The following ITFG1 variants were observed in gnomAD, a reference collection of about 807,000 sequenced individuals.
ITFG1 encodes the protein integrin alpha FG-GAP repeat containing 1, also known as T-cell immunomodulatory protein.
In ITFG1, 34 loss-of-function variants were observed where a neutral mutation model predicts 81.8. The ratio of observed to expected loss-of-function variants is 0.42; its 90% CI spans 0.32 to 0.55. The LOEUF (loss-of-function observed/expected upper bound fraction) is 0.55. ITFG1 is among the 20% of genes least tolerant of loss of function. ITFG1 has a pLI of 0.17. For missense variants in ITFG1, 672 were observed against 755.4 expected, an observed-to-expected ratio of 0.89 and a Z score of 1.29; for synonymous variants, 285 against 270.6, an observed-to-expected ratio of 1.05 and a Z score of -0.52.
chr16:47,204,928 A>G (rs3095629), intron 14 of ITFG1, among the ~76,000 whole-genome samples: 152,067 of 152,346 alleles, frequency 1, 75,894 homozygotes, highest in Middle Eastern at 1. Flanking sequence ...CTAAACTCAT[A>G]TGCTGAGCCA....
At chr16:47,308,097 G>A (rs1024093954) in intron 10 of ITFG1, among the ~76,000 whole-genome samples, 10 of 152,114 alleles carry the variant, frequency 6.6e-5, no homozygotes, top group South Asian at 6.2e-4. Flanking sequence ...GAATAGTGCC[G>A]CAATGAACAT....
intron 7 of ITFG1, among the ~76,000 whole-genome samples, chr16:47,371,828 A>G (rs1383320940): frequency 6.6e-6 from 1 of 152,168 alleles, no homozygotes; most frequent in Non-Finnish European, 1.5e-5. Context: ...TCACAGAAAG[A>G]ATTATCTGGC....
Position 47,286,232 on chromosome 16 carries a change from A to G in ITFG1, c.1070+25008T>C, listed in dbSNP as rs187501837. Among the ~76,000 whole-genome samples, 357 of 152,346 alleles carry G rather than the reference A, an allele frequency of 2.3e-3. 1 individual carries two copies. The highest frequency in any genetic ancestry group is 2.8e-3 in the Non-Finnish European group (192 of 68,020). ...AGGAAGCTCTGAAGTTGGGATGGCC[A>G]TTCCAAATTGTCCTCCATTATGGGT... On this transcript the variant is annotated intron_variant, in intron 10 of 17. Transcript: ENST00000320640.
At chr16:47,436,811 G>A (rs752172961) in intron 5 of ITFG1, among the ~76,000 whole-genome samples, 2 of 152,170 alleles carry the variant, frequency 1.3e-5, no homozygotes, top group Non-Finnish European at 2.9e-5. Context: ...AAGCCCCTGA[G>A]TTGTAAAAGG....
At chr16:47,210,058 A>G (rs1965545877) in intron 14 of ITFG1, among the ~76,000 whole-genome samples, 1 of 152,182 alleles carries the variant, frequency 6.6e-6, no homozygotes, top group African/African-American at 2.4e-5. Flanking sequence ...TCTCTGGGAT[A>G]AATGCCTGGG....
intron 12 of ITFG1, among the ~76,000 whole-genome samples, chr16:47,248,293 T>C (rs1191172679): frequency 6.6e-6 from 1 of 152,196 alleles, no homozygotes; most frequent in African/African-American, 2.4e-5. Context: ...TCAGTGCTCA[T>C]GGTGGTTATA....
intron 6 of ITFG1, among the ~76,000 whole-genome samples, chr16:47,411,917 C>T (rs955281118): frequency 6.6e-6 from 1 of 152,178 alleles, no homozygotes. Flanking sequence ...TACTGCATAG[C>T]AACCTATATT....
At chr16:47,422,801 T>C (rs1247984079) in intron 6 of ITFG1, among the ~76,000 whole-genome samples, 1 of 152,098 alleles carries the variant, frequency 6.6e-6, no homozygotes, top group African/African-American at 2.4e-5. Flanking sequence ...TATAGTATTC[T>C]CTGATGGTAG....
At chr16:47,195,000 A>G (rs1030240564) in intron 14 of ITFG1, among the ~76,000 whole-genome samples, 7 of 152,188 alleles carry the variant, frequency 4.6e-5, no homozygotes, top group African/African-American at 1.7e-4. Flanking sequence ...CACACTTTAC[A>G]AATGATTCTG....
At chr16:47,238,170 C>A in intron 12 of ITFG1, 162 bp from the exon 13 acceptor site, 1 of 525,976 alleles carries the variant, frequency 1.9e-6, no homozygotes, top group Non-Finnish European at 3.4e-6. Context: ...TTCTGTTGTT[C>A]ACTTTATACC....
chr16:47,440,952 A>C (rs984995061), intron 5 of ITFG1, among the ~76,000 whole-genome samples: 1 of 152,198 alleles, frequency 6.6e-6, no homozygotes, highest in Non-Finnish European at 1.5e-5. Flanking sequence ...AGACTAATAA[A>C]GAAGAAAAGA....
At chr16:47,457,439 T>C (rs1175935350) in intron 2 of ITFG1, among the ~76,000 whole-genome samples, 1 of 152,174 alleles carries the variant, frequency 6.6e-6, no homozygotes, top group Admixed American at 6.5e-5. Flanking sequence ...TTAATTACAC[T>C]GGGACAATGT....
At chr16:47,392,236 GA>G (rs764252700) in intron 6 of ITFG1, among the ~76,000 whole-genome samples, 17 of 152,120 alleles carry the variant, frequency 1.1e-4, no homozygotes, top group Non-Finnish European at 1.9e-4. Context: ...GCAACATAAA[GA>G]GACTCTGTCT....
chr16:47,332,165 C>T (rs1478410053), intron 8 of ITFG1, among the ~76,000 whole-genome samples: 3 of 151,606 alleles, frequency 2.0e-5, no homozygotes, highest in Admixed American at 6.6e-5. Context: ...GCACATTGTG[C>T]ACAGGTACCC....
intron 10 of ITFG1, among the ~76,000 whole-genome samples, chr16:47,277,296 G>A (rs141656450): frequency 6.6e-6 from 1 of 152,174 alleles, no homozygotes; most frequent in East Asian, 1.9e-4. Context: ...AAATACAATT[G>A]TCCCTAGGTA....
chr16:47,308,896 C>A (rs1378215833), intron 10 of ITFG1, among the ~76,000 whole-genome samples: 1 of 152,104 alleles, frequency 6.6e-6, no homozygotes, highest in Non-Finnish European at 1.5e-5. Context: ...AACAATAAAA[C>A]TCTTCTTAAA....
Position 47,313,758 on chromosome 16 carries a change from T to C in ITFG1, c.868A>G (p.Ile290Val), listed in dbSNP as rs940105117. The C allele has an allele frequency of 6.2e-7, 1 of 1,604,874 alleles. No individual in the cohort carries two copies. Among genetic ancestry groups the C allele is most frequent in the East Asian group, 2.2e-5 (1 of 44,618 alleles). Reference sequence around the variant, plus strand: ...TTCATCCCAGATCTCACTAAGTAGATGGTACTCTTTTGGCAATTTTTATCT... The same window carrying C: ...TTCATCCCAGATCTCACTAAGTAGACGGTACTCTTTTGGCAATTTTTATCT... ...CEDKNCQKST[I>V]YLVRSGMKQW... The change falls in exon 9 of 18, where the codon ATC (isoleucine) becomes GTC (valine). Residue 290 changes from isoleucine to valine, a missense_variant. Coordinates refer to ENST00000320640, the MANE Select transcript of ITFG1 (RefSeq NM_030790.5).
At chr16:47,258,604 C>A in intron 12 of ITFG1, 28 bp downstream of exon 12, 2 of 1,030,190 alleles carry the variant, frequency 1.9e-6, no homozygotes, top group Non-Finnish European at 3.0e-6. Flanking sequence ...AGAAAGAGAA[C>A]AAAATTAAAT....
intron 10 of ITFG1, among the ~76,000 whole-genome samples, chr16:47,287,972 C>G (rs750924676): frequency 2.6e-5 from 4 of 152,214 alleles, no homozygotes; most frequent in Non-Finnish European, 4.4e-5. Context: ...ATAAGAACTT[C>G]AACTGCTGAC....
Sources: gnomAD v4.1 joint callset for allele counts (sites outside exome capture counted in the v4.1 genomes callset) on GRCh38, gnomAD v4.1.1 for gene constraint, MANE v1.5 for transcripts, NCBI Gene and HGNC (gene_info 2026-07-23, HGNC 2026-07-21) for gene names.